ANAPC10: variants seen among roughly 807,000 people sequenced by gnomAD.
The protein encoded by ANAPC10 is anaphase-promoting complex subunit 10.
ANAPC10 carries 12 observed loss-of-function variants against 22.0 expected under a neutral mutation model. The observed-to-expected ratio is 0.55, with a 90% confidence interval of 0.35 to 0.88. The LOEUF (loss-of-function observed/expected upper bound fraction) is 0.88, where lower values mean the gene tolerates loss of function less well. ANAPC10 is among the 40% of genes least tolerant of loss of function. ANAPC10 has a pLI of 0.01. For missense variants in ANAPC10, 188 were observed against 220.9 expected (o/e 0.85, Z 0.94); for synonymous variants, 65 against 69.5 (o/e 0.94, Z 0.32).
chr4:145,009,725 G>GAAAAC (rs947536352), intron 4 of ANAPC10, among the ~76,000 whole-genome samples: 1 of 152,118 alleles, frequency 6.6e-6, no homozygotes, highest in African/African-American at 2.4e-5. Flanking sequence ...AACCCTAGAA[G>GAAAAC]AAAACCTAGG....
At chr4:145,077,824 T>A (rs1017966057) in intron 3 of ANAPC10, among the ~76,000 whole-genome samples, 2 of 152,022 alleles carry the variant, frequency 1.3e-5, no homozygotes, top group African/African-American at 4.8e-5. Flanking sequence ...AATTCAACAA[T>A]CATCATGTTA....
intron 3 of ANAPC10, among the ~76,000 whole-genome samples, chr4:145,072,364 A>G (rs922886332): frequency 2.6e-5 from 4 of 152,178 alleles, no homozygotes; most frequent in African/African-American, 9.7e-5. Context: ...CATACAAATT[A>G]TTTCTCAACT....
intron 4 of ANAPC10, among the ~76,000 whole-genome samples, chr4:145,035,757 C>T (rs1738423536): frequency 6.6e-6 from 1 of 152,200 alleles, no homozygotes; most frequent in Non-Finnish European, 1.5e-5. Flanking sequence ...GGACTTCACG[C>T]TCATCTGTTT....
chr4:145,022,797 CA>C (rs750015564), intron 4 of ANAPC10, among the ~76,000 whole-genome samples: 1,815 of 85,018 alleles, frequency 0.021, 18 homozygotes, highest in African/African-American at 0.051. Flanking sequence ...ACTGCCAAAC[CA>C]AAAAAAAAAA....
At chr4:145,058,373 C>A (rs1056715989) in intron 4 of ANAPC10, among the ~76,000 whole-genome samples, 1 of 152,138 alleles carries the variant, frequency 6.6e-6, no homozygotes, top group East Asian at 1.9e-4. Flanking sequence ...AACCATCAAC[C>A]TCTTCAGCTT....
intron 1 of ANAPC10, chr4:145,097,808 G>A: frequency 2.9e-6 from 1 of 339,812 alleles, no homozygotes. Context: ...GAATTCAACT[G>A]CCGGACTTGG....
chr4:145,040,208 T>C (rs906003588), intron 4 of ANAPC10, among the ~76,000 whole-genome samples: 1 of 151,708 alleles, frequency 6.6e-6, no homozygotes, highest in African/African-American at 2.4e-5. Context: ...TGGAGTACAA[T>C]GGCACGATCT....
chr4:145,057,032 G>A (rs1742164701), intron 4 of ANAPC10, among the ~76,000 whole-genome samples: 1 of 152,080 alleles, frequency 6.6e-6, no homozygotes, highest in South Asian at 2.1e-4. Flanking sequence ...GACCTTACAG[G>A]ACAATGCTCT....
intron 4 of ANAPC10, among the ~76,000 whole-genome samples, chr4:145,058,332 A>C (rs1742367007): frequency 1.3e-5 from 2 of 152,158 alleles, no homozygotes; most frequent in Non-Finnish European, 1.5e-5. Context: ...GCACCTGAAT[A>C]GGCTTTGTAT....
chr4:145,018,176 A>G (rs1735479702), intron 4 of ANAPC10, among the ~76,000 whole-genome samples: 1 of 150,922 alleles, frequency 6.6e-6, no homozygotes, highest in Non-Finnish European at 1.5e-5. Context: ...GACCTATAAA[A>G]CAAAAATAGA....
chr4:145,010,889 A>C (rs1578895992), intron 4 of ANAPC10, among the ~76,000 whole-genome samples: 2 of 152,152 alleles, frequency 1.3e-5, no homozygotes, highest in Admixed American at 6.5e-5. Flanking sequence ...GGGAAAAAAA[A>C]ACAAAAATAT....
At chr4:145,023,497 G>A (rs1028464943) in intron 4 of ANAPC10, among the ~76,000 whole-genome samples, 3 of 152,072 alleles carry the variant, frequency 2.0e-5, no homozygotes, top group African/African-American at 7.2e-5. Flanking sequence ...TGTTGTGACA[G>A]TTTCAAACTG....
intron 4 of ANAPC10, among the ~76,000 whole-genome samples, chr4:145,006,485 T>A (rs1733388051): frequency 6.6e-6 from 1 of 152,030 alleles, no homozygotes; most frequent in African/African-American, 2.4e-5. Context: ...AGAAAGAACA[T>A]CAGACCAGAT....
chr4:145,054,615 G>T (rs1263707807), intron 4 of ANAPC10, among the ~76,000 whole-genome samples: 3 of 87,300 alleles, frequency 3.4e-5, no homozygotes, highest in Non-Finnish European at 6.4e-5. Flanking sequence ...GTGTGTGTGT[G>T]TGTGTGTGTG....
intron 4 of ANAPC10, among the ~76,000 whole-genome samples, chr4:145,058,108 A>G (rs114674766): frequency 6.6e-6 from 1 of 152,314 alleles, no homozygotes; most frequent in African/African-American, 2.4e-5. Flanking sequence ...TTATTTCCCT[A>G]CAAGAATGTA....
At chr4:145,092,068 G>A (rs1380342658) in intron 2 of ANAPC10, among the ~76,000 whole-genome samples, 1 of 152,078 alleles carries the variant, frequency 6.6e-6, no homozygotes, top group African/African-American at 2.4e-5. Flanking sequence ...CACAGGAACA[G>A]AAAACCAAAC....
At chr4:145,059,488 A>C (rs1282924041) in intron 4 of ANAPC10, among the ~76,000 whole-genome samples, 2 of 152,124 alleles carry the variant, frequency 1.3e-5, no homozygotes. Flanking sequence ...AATTCACTTA[A>C]GCACTCGATC....
intron 2 of ANAPC10, among the ~76,000 whole-genome samples, chr4:145,089,462 G>T (rs1560937121): frequency 1.3e-5 from 2 of 152,058 alleles, no homozygotes; most frequent in East Asian, 1.9e-4. Flanking sequence ...GGATTAATTT[G>T]GTGCTTATGA....
intron 1 of ANAPC10, chr4:145,097,496 G>A: frequency 1.6e-6 from 2 of 1,287,154 alleles, no homozygotes; most frequent in Non-Finnish European, 2.0e-6. Context: ...TCTGCATACC[G>A]TTTCCTTGAC....
Sources: gnomAD v4.1 joint callset for allele counts (sites outside exome capture counted in the v4.1 genomes callset) on GRCh38, gnomAD v4.1.1 for gene constraint, MANE v1.5 for transcripts, NCBI Gene and HGNC (gene_info 2026-07-23, HGNC 2026-07-21) for gene names.